Variants in DNAH3 observed in about 807,000 individuals in gnomAD.
DNAH3 encodes dynein axonemal heavy chain 3.
A neutral mutation model predicts 432.5 loss-of-function variants in DNAH3; 332 were observed. That is an observed-to-expected ratio of 0.77 (90% confidence interval 0.70 to 0.84). The LOEUF (loss-of-function observed/expected upper bound fraction) is 0.84, where lower values mean the gene tolerates loss of function less well. Among genes scored for constraint, DNAH3 ranks in the 40% least tolerant of loss-of-function variants. The probability of loss-of-function intolerance (pLI) is 0.00; values close to 1 mark genes in which losing one functional copy is unlikely to be tolerated. For synonymous variants in DNAH3, 1,956 were observed against 1,900.2 expected, an observed-to-expected ratio of 1.03 and a Z score of -0.76; for missense variants, 4,861 against 5,114.0, an observed-to-expected ratio of 0.95 and a Z score of 1.51.
intron 20 of DNAH3, among the ~76,000 whole-genome samples, chr16:21,077,487 T>G (rs928065675): frequency 1.1e-4 from 17 of 152,098 alleles, no homozygotes; most frequent in African/African-American, 3.6e-4. Context: ...TTATTCAGAT[T>G]TTGAACCTCT....
intron 56 of DNAH3, among the ~76,000 whole-genome samples, chr16:20,949,783 T>G (rs1172873124): frequency 6.6e-6 from 1 of 152,178 alleles, no homozygotes; most frequent in Non-Finnish European, 1.5e-5. Context: ...GTTTGAGGAT[T>G]GTTTGTTATC....
At chr16:20,958,781 T>A (rs1236963944) in intron 54 of DNAH3, among the ~76,000 whole-genome samples, 1 of 152,096 alleles carries the variant, frequency 6.6e-6, no homozygotes, top group Non-Finnish European at 1.5e-5. Flanking sequence ...CTTCTTTCTT[T>A]TTTAGAGAGG....
intron 57 of DNAH3, among the ~76,000 whole-genome samples, chr16:20,947,124 CTGATTG>C (rs1018002342): frequency 5.9e-5 from 9 of 152,028 alleles, no homozygotes; most frequent in African/African-American, 2.2e-4. Context: ...TGCACCTGAC[CTGATTG>C]TGAGTCTTAA....
At chr16:21,066,669 T>C (rs1209813703) in intron 24 of DNAH3, among the ~76,000 whole-genome samples, 1 of 152,142 alleles carries the variant, frequency 6.6e-6, no homozygotes, top group Non-Finnish European at 1.5e-5. Context: ...ATGACCAGCC[T>C]GGAACTAACC....
chr16:21,141,693 A>C lies in DNAH3; in HGVS notation c.449-321T>G, dbSNP rs145541047. Among the ~76,000 whole-genome samples, 38 of 152,274 alleles carry C rather than the reference A, an allele frequency of 2.5e-4. No individual in the cohort carries two copies. The East Asian group carries it at 7.3e-3, about 29-fold the overall frequency. On this transcript the variant is annotated intron_variant, in intron 3 of 61. Coordinates refer to ENST00000261383, the Ensembl canonical transcript of DNAH3. Reference sequence around the variant, plus strand: ...TGTACTCTCCAATATTGTATGCTCTATTTTCTAAACACCTGTTATATTACT... The same window carrying C: ...TGTACTCTCCAATATTGTATGCTCTCTTTTCTAAACACCTGTTATATTACT...
At chr16:21,049,767 C>T in intron 30 of DNAH3, 85 bp from the exon 31 acceptor site, 1 of 1,397,526 alleles carries the variant, frequency 7.2e-7, no homozygotes, top group South Asian at 1.2e-5. Flanking sequence ...GCAGTGGGCT[C>T]CTCTCTCCTT....
At chr16:20,964,585 T>C in exon 53 of DNAH3, 5 of 1,614,182 alleles carry the variant, frequency 3.1e-6, no homozygotes, top group Non-Finnish European at 4.2e-6. Context: ...GACAGCCAGT[T>C]TATTCGCCTT....
At chr16:21,130,510 G>T (rs568711284) in intron 7 of DNAH3, among the ~76,000 whole-genome samples, 28 of 152,100 alleles carry the variant, frequency 1.8e-4, no homozygotes, top group African/African-American at 6.5e-4. Context: ...TCACCATGTT[G>T]GTCAGGCTGG....
intron 17 of DNAH3, among the ~76,000 whole-genome samples, chr16:21,098,063 C>G (rs2091734356): frequency 6.6e-6 from 1 of 152,124 alleles, no homozygotes; most frequent in Non-Finnish European, 1.5e-5. Context: ...TGAACAATTA[C>G]CTTACTATAA....
chr16:21,035,051 G>A (rs2089092778), intron 35 of DNAH3, among the ~76,000 whole-genome samples: 1 of 152,212 alleles, frequency 6.6e-6, no homozygotes, highest in Non-Finnish European at 1.5e-5. Flanking sequence ...GGAAGGCTGG[G>A]CTGGGTAGCT....
intron 52 of DNAH3, among the ~76,000 whole-genome samples, chr16:20,966,855 C>T (rs565104244): frequency 9.7e-4 from 147 of 152,282 alleles, no homozygotes; most frequent in South Asian, 1.5e-3. Flanking sequence ...AGCTTGCAGG[C>T]TTCCACCCAT....
chr16:21,017,898 G>A (rs1370068018), intron 41 of DNAH3, among the ~76,000 whole-genome samples: 2 of 151,958 alleles, frequency 1.3e-5, no homozygotes, highest in Admixed American at 6.6e-5. Context: ...ACATTGTACA[G>A]TGAACATTTG....
At chr16:21,136,072 G>A (rs1461828683) in intron 6 of DNAH3, among the ~76,000 whole-genome samples, 1 of 151,976 alleles carries the variant, frequency 6.6e-6, no homozygotes, top group Non-Finnish European at 1.5e-5. Flanking sequence ...GATGTTTTGG[G>A]TATTTCCAGT....
chr16:21,125,192 G>C, exon 9 of DNAH3: 3 of 1,606,044 alleles, frequency 1.9e-6, no homozygotes, highest in South Asian at 2.2e-5. Context: ...ATCATGAAAA[G>C]GGAAACGAGG....
intron 8 of DNAH3, among the ~76,000 whole-genome samples, chr16:21,126,517 A>G (rs947649942): frequency 3.3e-5 from 5 of 152,198 alleles, no homozygotes; most frequent in Non-Finnish European, 7.3e-5. Flanking sequence ...GGAAAAAGGA[A>G]TTGTGTAAAT....
At chr16:20,985,171 G>C in exon 48 of DNAH3, 4 of 1,614,180 alleles carry the variant, frequency 2.5e-6, no homozygotes, top group Non-Finnish European at 1.7e-6. Context: ...CACGATGTCA[G>C]CCTTCTCGTC....
At position 20,939,103 on chromosome 16, in the gene DNAH3, A is replaced by G. The variant is rs148348973; in HGVS notation, c.11655-2250T>C. Among the ~76,000 whole-genome samples the G allele has an allele frequency of 5.7e-3, 864 of 152,040 alleles. 6 individuals are homozygous for G. Among genetic ancestry groups the G allele is most frequent in the Non-Finnish European group, 8.8e-3 (598 of 67,950 alleles). ...TATAGAATGCCCAGTGGTGAAGGCCAGTGAAAGCCCCTGCAACCACCAAGA... is the reference window on the plus strand; with the variant it reads ...TATAGAATGCCCAGTGGTGAAGGCCGGTGAAAGCCCCTGCAACCACCAAGA... On this transcript the variant is annotated intron_variant, in intron 59 of 61. Transcript: ENST00000261383.
At chr16:21,062,879 G>T in intron 24 of DNAH3, 196 bp from the exon 25 acceptor site, 1 of 578,174 alleles carries the variant, frequency 1.7e-6, no homozygotes, top group Non-Finnish European at 3.1e-6. Context: ...TAAGAGATGA[G>T]GTCTTGCCAT....
At chr16:21,083,184 T>A (rs1360043015) in intron 19 of DNAH3, among the ~76,000 whole-genome samples, 1 of 151,888 alleles carries the variant, frequency 6.6e-6, no homozygotes, top group Non-Finnish European at 1.5e-5. Flanking sequence ...CCCGGCTAAT[T>A]TTTGTATTTT....
Sources: gnomAD v4.1 joint callset for allele counts (sites outside exome capture counted in the v4.1 genomes callset) on GRCh38, gnomAD v4.1.1 for gene constraint, MANE v1.5 for transcripts, NCBI Gene and HGNC (gene_info 2026-07-23, HGNC 2026-07-21) for gene names.